The following ANKRD28 variants were observed in gnomAD, a reference collection of about 807,000 sequenced individuals.
ANKRD28 encodes the protein serine/threonine-protein phosphatase 6 regulatory ankyrin repeat subunit A.
A neutral mutation model predicts 126.5 loss-of-function variants in ANKRD28; 44 were observed. The observed-to-expected ratio is 0.35, with a 90% CI of 0.27 to 0.45. The LOEUF (loss-of-function observed/expected upper bound fraction) is 0.45. Among genes scored for constraint, ANKRD28 ranks in the 20% least tolerant of loss-of-function variants. The probability of loss-of-function intolerance (pLI) is 1.00; values close to 1 mark genes in which losing one functional copy is unlikely to be tolerated. For synonymous variants in ANKRD28, 442 were observed against 468.5 expected, an observed-to-expected ratio of 0.94 and a Z score of 0.73; for missense variants, 1,110 against 1,316.6, an observed-to-expected ratio of 0.84 and a Z score of 2.43.
In ANKRD28 at chr3:15,833,216, C is replaced by T. The variant is rs2061243220; in HGVS notation, c.27+26161G>A. Among the ~76,000 whole-genome samples the T allele has an allele frequency of 6.6e-6, 1 of 152,148 alleles. No individual in the cohort carries two copies. The highest frequency in any genetic ancestry group is 1.5e-5 in the Non-Finnish European group (1 of 68,034). On this transcript the variant is annotated intron_variant, in intron 1 of 27. Coordinates refer to the ANKRD28 transcript ENST00000399451. This position sits in a 1 kb window ranked among gnomAD's most constrained non-coding sequence, Gnocchi z 4.4. ...GTGGGCTGGGAAAGGCGGATCTACC[C>T]TTAATCTGAGTAGGCACCATCTAAT... is the stretch of plus-strand genomic sequence containing the variant.
At chr3:15,847,966 G>T (rs2061562207) in intron 1 of ANKRD28, among the ~76,000 whole-genome samples, 1 of 152,114 alleles carries the variant, frequency 6.6e-6, no homozygotes, top group Non-Finnish European at 1.5e-5. Context: ...ATCTCCAACA[G>T]GGTCATTTCT....
intron 1 of ANKRD28, among the ~76,000 whole-genome samples, chr3:15,835,251 A>G (rs889273820): frequency 6.6e-6 from 1 of 152,232 alleles, no homozygotes; most frequent in African/African-American, 2.4e-5. Context: ...CCATATACAC[A>G]AACAGTAAGC....
chr3:15,829,453 C>T (rs1405460041), intron 1 of ANKRD28, among the ~76,000 whole-genome samples: 1 of 152,130 alleles, frequency 6.6e-6, no homozygotes, highest in Non-Finnish European at 1.5e-5. Flanking sequence ...TAGAAGTTAA[C>T]TATAATGTGA....
chr3:15,756,047 C>A (rs1286550845), intron 3 of ANKRD28, among the ~76,000 whole-genome samples: 1 of 152,200 alleles, frequency 6.6e-6, no homozygotes, highest in African/African-American at 2.4e-5. Context: ...ATGGTTATGT[C>A]CAACTGTATA....
intron 27 of ANKRD28, among the ~76,000 whole-genome samples, chr3:15,672,920 C>T (rs776080328): frequency 2.6e-5 from 4 of 152,242 alleles, no homozygotes; most frequent in Non-Finnish European, 5.9e-5. Flanking sequence ...GGATTACAGG[C>T]ACATGCCACC....
intron 8 of ANKRD28, among the ~76,000 whole-genome samples, chr3:15,718,905 G>A (rs969709297): frequency 1.1e-4 from 16 of 152,006 alleles, no homozygotes; most frequent in African/African-American, 9.7e-5. Context: ...GCGCCTTTGA[G>A]GAAAAAACTA....
At chr3:15,690,520 T>C (rs1236870640) in intron 17 of ANKRD28, among the ~76,000 whole-genome samples, 1 of 152,188 alleles carries the variant, frequency 6.6e-6, no homozygotes, top group Non-Finnish European at 1.5e-5. Context: ...GTGACACGGA[T>C]TCATTTAAAG....
chr3:15,714,749 TATAACTA>T, intron 8 of ANKRD28, 93 bp from the exon 9 acceptor site: 1 of 812,928 alleles, frequency 1.2e-6, no homozygotes, highest in Non-Finnish European at 1.8e-6. Context: ...TCTTTATTTT[TATAACTA>T]TTTTACATGA....
In ANKRD28 at chr3:15,795,208, A is replaced by C. The variant is rs1209583814; in HGVS notation, c.201+15T>G. ...GCAGTTTTAAAGGCTGGCATCAGTG[A>C]ATTAACTGTTTTACCTGAAAGTTAA... On this transcript the variant is annotated intron_variant, in intron 2 of 27. Coordinates refer to ENST00000683139, the MANE Select transcript of ANKRD28 (RefSeq NM_001349278.2). 1 of 1,553,104 alleles carries C rather than the reference A, an allele frequency of 6.4e-7. No homozygotes were observed. The highest frequency in any genetic ancestry group is 1.1e-5 in the South Asian group (1 of 89,496).
intron 27 of ANKRD28, among the ~76,000 whole-genome samples, chr3:15,674,196 A>AAAAAAAAAAAAAAAAGAAG (rs1470515364): frequency 7.7e-6 from 1 of 130,082 alleles, no homozygotes; most frequent in African/African-American, 3.3e-5. Flanking sequence ...AAAAAAAAAA[A>AAAAAAAAAAAAAAAAGAAG]AAGAAGAAGA....
At chr3:15,748,478 T>G (rs1332926003) in intron 4 of ANKRD28, among the ~76,000 whole-genome samples, 1 of 152,186 alleles carries the variant, frequency 6.6e-6, no homozygotes, top group Non-Finnish European at 1.5e-5. Flanking sequence ...ACAAAATTTT[T>G]GGCAGATAAT....
chr3:15,744,302 A>G (rs577122392), intron 4 of ANKRD28, among the ~76,000 whole-genome samples: 8 of 152,088 alleles, frequency 5.3e-5, no homozygotes, highest in Non-Finnish European at 1.2e-4. Context: ...ATAGCCTTGT[A>G]ATTTTTAGTT....
intron 1 of ANKRD28, among the ~76,000 whole-genome samples, chr3:15,849,633 C>T (rs1446553688): frequency 2.0e-5 from 3 of 152,086 alleles, no homozygotes; most frequent in African/African-American, 7.2e-5. Context: ...CTACAATGGA[C>T]CTGAATAAAT....
chr3:15,693,772 A>C (rs751514432), intron 17 of ANKRD28, among the ~76,000 whole-genome samples: 8 of 152,170 alleles, frequency 5.3e-5, no homozygotes, highest in Non-Finnish European at 1.0e-4. Context: ...AGAAGTAGAA[A>C]GCTTCAAGAA....
At position 15,679,579 on chromosome 3, in the gene ANKRD28, G is replaced by A. The variant is rs371489917; in HGVS notation, c.2390-16C>T. The A allele has an allele frequency of 2.4e-5, 38 of 1,591,400 alleles. No individual in the cohort carries two copies. The African/African-American group carries it at 4.6e-4, about 19-fold the overall frequency. Reference sequence around the variant, plus strand: ...GTCTCGTGACCTAAATAGGTGTAAAGAACCAGGTATTAAAATTCAAAGGAG... The same window carrying A: ...GTCTCGTGACCTAAATAGGTGTAAAAAACCAGGTATTAAAATTCAAAGGAG... On this transcript the variant is annotated splice_polypyrimidine_tract_variant and intron_variant, in intron 21 of 27. Transcript: ENST00000683139.
intron 1 of ANKRD28, among the ~76,000 whole-genome samples, chr3:15,823,948 T>C (rs904605898): frequency 2.0e-5 from 3 of 152,184 alleles, no homozygotes; most frequent in Non-Finnish European, 4.4e-5. Context: ...CCACAGCTAA[T>C]ATCACAGTTA....
Position 15,775,701 on chromosome 3 carries a change from G to C in ANKRD28, c.202-9389C>G, listed in dbSNP as rs1301517074. On this transcript the variant is annotated intron_variant, in intron 2 of 27. Transcript: ENST00000683139. ...TACAGATGAACAGCCAGATGAAAGAGACGTATAAGGCACACAGCTTCCACG... is the reference window on the plus strand; with the variant it reads ...TACAGATGAACAGCCAGATGAAAGACACGTATAAGGCACACAGCTTCCACG... 2.0e-5 allele frequency among the ~76,000 whole-genome samples: 3 copies of C among 152,188 alleles called. No individual in the cohort carries two copies. In the East Asian group the frequency reaches 5.8e-4, roughly 29 times the overall value.
intron 2 of ANKRD28, among the ~76,000 whole-genome samples, chr3:15,773,994 G>A (rs1015609213): frequency 2.6e-5 from 4 of 152,128 alleles, no homozygotes; most frequent in Non-Finnish European, 5.9e-5. Flanking sequence ...GCAGAGTCTA[G>A]AAATAAACCC....
chr3:15,760,934 T>C (rs993566237), intron 3 of ANKRD28, among the ~76,000 whole-genome samples: 5 of 152,150 alleles, frequency 3.3e-5, no homozygotes, highest in South Asian at 2.1e-4. Context: ...GTGAAACCAA[T>C]TGGAGAAAAT....
Sources: allele counts gnomAD v4.1 joint callset (sites outside exome capture counted in the v4.1 genomes callset), GRCh38; gene constraint gnomAD v4.1.1; non-coding constraint Gnocchi (gnomAD v3.1); transcripts MANE v1.5; gene names NCBI Gene and HGNC (gene_info 2026-07-23, HGNC 2026-07-21).